CCSER1: variants seen among roughly 807,000 people sequenced by gnomAD.
CCSER1 encodes the protein coiled-coil serine rich protein 1.
In CCSER1, 41 loss-of-function variants were observed where a neutral mutation model predicts 82.0. The ratio of observed to expected loss-of-function variants is 0.50; its 90% CI spans 0.39 to 0.65. CCSER1 has a LOEUF of 0.65. CCSER1 is among the 30% of genes least tolerant of loss of function. CCSER1 has a pLI of 0.00. For synonymous variants in CCSER1, 414 were observed against 383.9 expected (o/e 1.08, Z -0.92); for missense variants, 1,119 against 1,064.2 (o/e 1.05, Z -0.72).
intron 4 of CCSER1, among the ~76,000 whole-genome samples, chr4:90,403,165 T>C (rs1753147375): frequency 6.6e-6 from 1 of 152,146 alleles, no homozygotes; most frequent in Non-Finnish European, 1.5e-5. Flanking sequence ...GTTGAATTGG[T>C]TTTATACAAT....
At chr4:90,935,809 GA>G (rs1415741588) in intron 9 of CCSER1, among the ~76,000 whole-genome samples, 1 of 151,922 alleles carries the variant, frequency 6.6e-6, no homozygotes, top group East Asian at 1.9e-4. Context: ...TACTACTGGG[GA>G]AAAAAAGGCA....
chr4:90,621,923 A>G (rs1226467569), intron 5 of CCSER1, among the ~76,000 whole-genome samples: 1 of 152,196 alleles, frequency 6.6e-6, no homozygotes, highest in African/African-American at 2.4e-5. Flanking sequence ...AACCTCATGC[A>G]AGTTCAATAC....
rs548574196 is a variant in CCSER1, at chr4:90,756,341, T to A, written c.2010+32350T>A. Among the ~76,000 whole-genome samples the A allele has an allele frequency of 7.2e-5, 11 of 152,330 alleles. No individual in the cohort carries two copies. The South Asian group carries it at 2.3e-3, about 32-fold the overall frequency. ...CTCTATGGTTTGTATAACTTTGTAG[T>A]AAGTTTCATAAACATAACTTTCCTC... On this transcript the variant is annotated intron_variant, in intron 7 of 10. Coordinates refer to ENST00000509176, the MANE Select transcript of CCSER1 (RefSeq NM_001145065.2).
At chr4:91,433,334 C>T (rs1754441499) in intron 10 of CCSER1, among the ~76,000 whole-genome samples, 1 of 152,142 alleles carries the variant, frequency 6.6e-6, no homozygotes, top group Admixed American at 6.5e-5. Context: ...CATAGCACAA[C>T]TGCTTTATTT....
At chr4:91,102,540 C>G (rs1725179760) in intron 10 of CCSER1, among the ~76,000 whole-genome samples, 1 of 152,118 alleles carries the variant, frequency 6.6e-6, no homozygotes, top group Admixed American at 6.6e-5. Flanking sequence ...AGGATTTTGA[C>G]TTTTGAATCA....
At chr4:90,568,069 A>G (rs544223936) in intron 5 of CCSER1, among the ~76,000 whole-genome samples, 1 of 152,198 alleles carries the variant, frequency 6.6e-6, no homozygotes, top group Non-Finnish European at 1.5e-5. Context: ...TACAATTTCA[A>G]TCTTATTAAA....
chr4:90,903,709 G>C (rs1489577642), intron 8 of CCSER1, among the ~76,000 whole-genome samples: 1 of 151,778 alleles, frequency 6.6e-6, no homozygotes, highest in African/African-American at 2.4e-5. Flanking sequence ...GCATTGGCAG[G>C]TGCCTGTAAT....
intron 9 of CCSER1, among the ~76,000 whole-genome samples, chr4:90,946,038 A>G (rs1343602345): frequency 2.6e-5 from 4 of 152,168 alleles, no homozygotes; most frequent in South Asian, 2.1e-4. Context: ...TCACATATAC[A>G]TCACATTGGT....
chr4:90,932,958 GAAAGAA>G (rs1295003858), intron 9 of CCSER1, among the ~76,000 whole-genome samples: 1 of 33,864 alleles, frequency 3.0e-5, no homozygotes, highest in Admixed American at 3.1e-4. Flanking sequence ...AAGAAAGAAA[GAAAGAA>G]AGAAAGAAAG....
At chr4:90,130,364 A>G (rs1722604083) in intron 1 of CCSER1, among the ~76,000 whole-genome samples, 1 of 152,206 alleles carries the variant, frequency 6.6e-6, no homozygotes, top group Non-Finnish European at 1.5e-5. Flanking sequence ...CATGACAATA[A>G]CATTTCATAC....
chr4:90,460,637 CT>C (rs1762779538), intron 4 of CCSER1, among the ~76,000 whole-genome samples: 1 of 152,086 alleles, frequency 6.6e-6, no homozygotes, highest in Non-Finnish European at 1.5e-5. Flanking sequence ...TCCTTCACAT[CT>C]TAACAAATAT....
chr4:90,738,640 C>A (rs1426568470), intron 7 of CCSER1, among the ~76,000 whole-genome samples: 3 of 152,106 alleles, frequency 2.0e-5, no homozygotes, highest in Admixed American at 6.6e-5. Flanking sequence ...GCCTGGCTAT[C>A]ACCTGTGTTC....
At chr4:91,483,649 TG>T (rs1758065748) in intron 10 of CCSER1, among the ~76,000 whole-genome samples, 1 of 152,112 alleles carries the variant, frequency 6.6e-6, no homozygotes, top group African/African-American at 2.4e-5. Context: ...TTGGTCAGGC[TG>T]GTCTCGAACT....
intron 7 of CCSER1, chr4:90,782,000 A>G (rs1753838162): frequency 1.2e-6 from 1 of 868,686 alleles, no homozygotes; most frequent in Non-Finnish European, 1.4e-6. Flanking sequence ...CATTTCTATT[A>G]TAAAGTATTT....
chr4:91,082,462 A>G (rs1722878372), intron 9 of CCSER1, among the ~76,000 whole-genome samples: 1 of 152,242 alleles, frequency 6.6e-6, no homozygotes, highest in South Asian at 2.1e-4. Flanking sequence ...AAACCCTAGA[A>G]GAAAACCTAG....
intron 8 of CCSER1, among the ~76,000 whole-genome samples, chr4:90,823,961 G>T: frequency 6.6e-6 from 1 of 150,820 alleles, no homozygotes. Flanking sequence ...TTCTTTTCTG[G>T]CCATTATTAA....
intron 1 of CCSER1, among the ~76,000 whole-genome samples, chr4:90,287,702 A>C (rs1182697428): frequency 6.6e-6 from 1 of 151,784 alleles, no homozygotes; most frequent in Non-Finnish European, 1.5e-5. Flanking sequence ...TGTCCCCCAA[A>C]ATTTCCAACT....
At chr4:90,729,269 G>A (rs1344300026) in intron 7 of CCSER1, among the ~76,000 whole-genome samples, 1 of 151,906 alleles carries the variant, frequency 6.6e-6, no homozygotes, top group Non-Finnish European at 1.5e-5. Flanking sequence ...AATACTGTAG[G>A]GCAGAAATTT....
intron 9 of CCSER1, among the ~76,000 whole-genome samples, chr4:90,941,555 A>G (rs1731583179): frequency 6.6e-6 from 1 of 152,172 alleles, no homozygotes; most frequent in Non-Finnish European, 1.5e-5. Context: ...ACTTGCAACT[A>G]GAAGTAGAAA....
Sources: allele counts gnomAD v4.1 joint callset (sites outside exome capture counted in the v4.1 genomes callset), GRCh38; gene constraint gnomAD v4.1.1; transcripts MANE v1.5; gene names NCBI Gene and HGNC (gene_info 2026-07-23, HGNC 2026-07-21).